Variants in SMG1 observed in about 807,000 individuals in gnomAD.
The protein encoded by SMG1 is serine/threonine-protein kinase SMG1.
SMG1 carries 22 observed loss-of-function variants against 419.9 expected under a neutral mutation model. The ratio of observed to expected loss-of-function variants is 0.05; its 90% CI spans 0.04 to 0.07. The LOEUF (loss-of-function observed/expected upper bound fraction) is 0.07, where lower values mean the gene tolerates loss of function less well. Among genes scored for constraint, SMG1 ranks in the 10% least tolerant of loss-of-function variants. The pLI is 1.00. For synonymous variants in SMG1, 1,538 were observed against 1,553.5 expected, an observed-to-expected ratio of 0.99 and a Z score of 0.23; for missense variants, 3,185 against 4,342.0, an observed-to-expected ratio of 0.73 and a Z score of 7.49.
chr16:18,878,602 G>A (rs2036247451), intron 11 of SMG1: 1 of 138,126 alleles, frequency 7.2e-6, no homozygotes, highest in Non-Finnish European at 1.6e-5. Context: ...GCAAGATCCT[G>A]TGACAAAAAA....
intron 41 of SMG1, 38 bp from the exon 42 acceptor site, chr16:18,839,984 A>G: frequency 6.9e-7 from 1 of 1,455,122 alleles, no homozygotes; most frequent in African/African-American, 1.9e-5. Flanking sequence ...AGAAAAGATC[A>G]ATTTTATATA....
At chr16:18,867,700 CTTTTTTTTTTT>C (rs778044384) in intron 22 of SMG1, among the ~76,000 whole-genome samples, 1,656 of 87,938 alleles carry the variant, frequency 0.019, 58 homozygotes, top group African/African-American at 0.07. Context: ...ATTTTAACTT[CTTTTTTTTTTT>C]TTTTTTTTTT....
intron 23 of SMG1, 92 bp from the exon 24 acceptor site, chr16:18,864,236 C>A (rs1216165720): frequency 5.1e-6 from 6 of 1,176,738 alleles, no homozygotes; most frequent in South Asian, 1.7e-5. Context: ...GCTCTTCTTG[C>A]CCAGGCTGGA....
intron 29 of SMG1, chr16:18,856,932 C>A (rs1049424225): frequency 6.6e-6 from 1 of 151,574 alleles, no homozygotes; most frequent in Non-Finnish European, 1.5e-5. Flanking sequence ...TTATATGACA[C>A]GCTCTGTGCT....
chr16:18,904,370 C>T (rs2141907940), intron 1 of SMG1, among the ~76,000 whole-genome samples: 1 of 151,694 alleles, frequency 6.6e-6, no homozygotes, highest in East Asian at 2.0e-4. Context: ...CACGGCGGCT[C>T]ACGCCTGTAA....
At chr16:18,890,963 AC>A in intron 4 of SMG1, 42 bp from the exon 5 acceptor site, 1 of 923,850 alleles carries the variant, frequency 1.1e-6, no homozygotes, top group Non-Finnish European at 1.8e-6. Flanking sequence ...AAATTCCTAT[AC>A]TTTTAAGAAT....
At chr16:18,883,782 G>A (rs1013734589) in intron 9 of SMG1, among the ~76,000 whole-genome samples, 1 of 152,104 alleles carries the variant, frequency 6.6e-6, no homozygotes, top group South Asian at 2.1e-4. Flanking sequence ...AGCTGGGCAT[G>A]GTGGCGGGCA....
In SMG1 at chr16:18,850,338, C is replaced by T. The variant is rs374887083; in HGVS notation, c.5182G>A (p.Gly1728Arg). 37 of 1,613,824 alleles carry T rather than the reference C, an allele frequency of 2.3e-5. No homozygotes were observed. Among genetic ancestry groups the T allele is most frequent in the Middle Eastern group, 1.6e-4 (1 of 6,084 alleles). Reference protein sequence around the residue: ...LSELDESATEGVIKVWRKVVD... With the variant: ...LSELDESATERVIKVWRKVVD... ...ACTTTCCTCCACACTTTAATAACTC[C>T]TTCAGTTGCACTTTCATCAAGTTCT... Residue 1728 changes from glycine to arginine, a missense_variant, in exon 34 of 63, where the codon GGA (glycine) becomes AGA (arginine). Gly to Arg is a moderately radical substitution (Grantham distance 125). This residue lies in a region of SMG1 where 493 missense variants were observed against 552.9 expected (regional missense o/e 0.89). Transcript: ENST00000446231.
At position 18,869,214 on chromosome 16, in the gene SMG1, G is replaced by A. The variant is rs555863715; in HGVS notation, c.2723C>T (p.Thr908Ile). The A allele has an allele frequency of 6.2e-7, 1 of 1,611,778 alleles. No homozygotes were observed. Among genetic ancestry groups the A allele is most frequent in the African/African-American group, 1.3e-5 (1 of 74,980 alleles). The part of the protein sequence containing the change: ...QSTIPRNLLK[T>I]DAVLWQWAIW... Reference sequence around the variant, plus strand: ...GGCCCACTGCCAAAGGACAGCATCTGTCTTCAGGAGATTGCGTGGAATTGT... The same window carrying A: ...GGCCCACTGCCAAAGGACAGCATCTATCTTCAGGAGATTGCGTGGAATTGT... Residue 908 changes from threonine to isoleucine, a missense_variant, in exon 20 of 63, where the codon ACA becomes ATA. Coordinates refer to ENST00000446231, the MANE Select transcript of SMG1 (RefSeq NM_015092.5).
chr16:18,809,719 G>T, intron 62 of SMG1, 73 bp from the exon 63 acceptor site: 1 of 1,220,666 alleles, frequency 8.2e-7, no homozygotes, highest in Non-Finnish European at 1.2e-6. Context: ...ACAATCAGCA[G>T]ACAAATTATG....
At chr16:18,854,407 G>A (rs1253769357) in intron 30 of SMG1, among the ~76,000 whole-genome samples, 1 of 152,092 alleles carries the variant, frequency 6.6e-6, no homozygotes, top group Non-Finnish European at 1.5e-5. Flanking sequence ...AAAAAAACAT[G>A]TAAATTCAGT....
chr16:18,877,213 G>A lies in SMG1; in HGVS notation c.1538C>T (p.Thr513Met), dbSNP rs2036176277. 13 of 1,545,014 alleles carry A rather than the reference G, an allele frequency of 8.4e-6. No individual in the cohort carries two copies. The highest frequency in any genetic ancestry group is 1.2e-5 in the South Asian group (1 of 86,008). ...TTCTACAAATGATGATGGCAGTTTC[G>A]TATTTATCTGTTCAACAATCTAAAA... is the stretch of plus-strand genomic sequence containing the variant. The part of the protein sequence containing the change: ...LLTLIVEQIN[T>M]KLPSSFVEKL... Residue 513 changes from threonine (T) to methionine (M), a missense_variant, in exon 12 of 63, where the codon ACG (threonine) becomes ATG (methionine). Coordinates refer to ENST00000446231, the MANE Select transcript of SMG1 (RefSeq NM_015092.5).
Position 18,811,875 on chromosome 16 carries a change from G to T in SMG1, c.10802-8C>A. ...AGTTTCTCTCTTGCACCGCTATGAA[G>T]CAACAAAAACATACGTAAGTCAAAC... is the stretch of plus-strand genomic sequence containing the variant. On this transcript the variant is annotated splice_region_variant and splice_polypyrimidine_tract_variant and intron_variant, in intron 61 of 62. Transcript: ENST00000446231. The T allele has an allele frequency of 6.2e-7, 1 of 1,613,550 alleles. No individual in the cohort carries two copies. The highest frequency in any genetic ancestry group is 8.5e-7 in the Non-Finnish European group (1 of 1,179,720).
chr16:18,867,300 G>A (rs1299249403), intron 22 of SMG1, among the ~76,000 whole-genome samples: 2 of 152,042 alleles, frequency 1.3e-5, no homozygotes, highest in Non-Finnish European at 2.9e-5. Context: ...TTGGAAGGCC[G>A]AGGTGGGCAG....
At position 18,858,152 on chromosome 16, in the gene SMG1, G is replaced by GAA; in HGVS notation, c.4234+16_4234+17dup. The GAA allele has an allele frequency of 6.6e-7, 1 of 1,504,402 alleles. No homozygotes were observed. The allele number at this position is 1,504,402 out of a possible 1,614,324, so 93.2% of individuals were successfully genotyped here. ...GAACACCTTTAATTTTCTCTTACAAGAAAAAAAAACCACTTACCTTTAATT... is the reference window on the plus strand; with the variant it reads ...GAACACCTTTAATTTTCTCTTACAAGAAAAAAAAAAACCACTTACCTTTAATT... On this transcript the variant is annotated intron_variant, in intron 29 of 62. Coordinates refer to ENST00000446231, the MANE Select transcript of SMG1 (RefSeq NM_015092.5).
intron 56 of SMG1, among the ~76,000 whole-genome samples, chr16:18,818,095 T>A (rs765337518): frequency 2.9e-4 from 39 of 136,816 alleles, no homozygotes; most frequent in Non-Finnish European, 5.6e-4. Context: ...AAAAAAAAAA[T>A]TTATTGGCCA....
intron 39 of SMG1, 61 bp from the exon 40 acceptor site, chr16:18,842,515 C>T (rs1295360166): frequency 2.4e-5 from 37 of 1,530,988 alleles, no homozygotes; most frequent in Non-Finnish European, 1.8e-6. Flanking sequence ...TTTTCTTCCA[C>T]ATTCAATATG....
intron 57 of SMG1, among the ~76,000 whole-genome samples, 160 bp downstream of exon 57, chr16:18,817,131 G>A (rs1429447641): frequency 3.8e-4 from 48 of 124,788 alleles, no homozygotes; most frequent in African/African-American, 1.3e-3. Context: ...GGGGGGGGGC[G>A]CTAAGAAAAT....
At chr16:18,860,365 C>T (rs2035150862) in intron 26 of SMG1, among the ~76,000 whole-genome samples, 1 of 152,202 alleles carries the variant, frequency 6.6e-6, no homozygotes, top group South Asian at 2.1e-4. Flanking sequence ...TAATGAGCCA[C>T]ATCAAGATGA....
Sources: gnomAD v4.1 joint callset for allele counts (sites outside exome capture counted in the v4.1 genomes callset) on GRCh38, gnomAD v4.1.1 for gene constraint, gnomAD v4.1.1 regional missense constraint, MANE v1.5 for transcripts, NCBI Gene and HGNC (gene_info 2026-07-23, HGNC 2026-07-21) for gene names.